Variants in ATP10A observed in about 807,000 individuals in gnomAD.
ATP10A encodes the protein phospholipid-transporting ATPase VA.
In ATP10A, 111 loss-of-function variants were observed where a neutral mutation model predicts 147.8. That is an observed-to-expected ratio of 0.75 (90% CI 0.64 to 0.88). The LOEUF (loss-of-function observed/expected upper bound fraction) is 0.88, where lower values mean the gene tolerates loss of function less well. ATP10A is among the 40% of genes least tolerant of loss of function. The probability of loss-of-function intolerance (pLI) is 0.00; values close to 1 mark genes in which losing one functional copy is unlikely to be tolerated. For missense variants in ATP10A, 1,927 were observed against 1,959.0 expected (o/e 0.98, Z 0.31); for synonymous variants, 875 against 841.6 (o/e 1.04, Z -0.69).
intron 2 of ATP10A, among the ~76,000 whole-genome samples, chr15:25,766,735 G>A (rs564991442): frequency 4.6e-5 from 7 of 151,978 alleles, no homozygotes; most frequent in Non-Finnish European, 8.8e-5. Context: ...TGAGCTCAGT[G>A]TCTGTGCCGC....
At chr15:25,841,652 A>G (rs1892819949) in intron 1 of ATP10A, 1 of 152,044 alleles carries the variant, frequency 6.6e-6, no homozygotes, top group Admixed American at 6.5e-5. Context: ...TATAGAGAAA[A>G]CTGACTCACT....
intron 2 of ATP10A, among the ~76,000 whole-genome samples, chr15:25,745,285 G>A (rs964609212): frequency 5.9e-5 from 9 of 151,996 alleles, no homozygotes; most frequent in South Asian, 2.1e-4. Flanking sequence ...CCCAGGAGGC[G>A]GAGGCTGCAG....
intron 2 of ATP10A, among the ~76,000 whole-genome samples, chr15:25,753,495 G>A (rs1888258806): frequency 6.6e-6 from 1 of 150,378 alleles, no homozygotes; most frequent in African/African-American, 2.5e-5. Flanking sequence ...TCTGTTGATG[G>A]ACACTTAGGT....
At position 25,723,225 on chromosome 15, in the gene ATP10A, G is replaced by C. The variant is rs1596759791; in HGVS notation, c.1110+666C>G. ...TTAGCAAGGTGTGTGGCATGCACCT[G>C]TAATCCCAGCTACTCGGGAGGCTGA... On this transcript the variant is annotated intron_variant, in intron 6 of 20. Coordinates refer to ENST00000555815, the MANE Select transcript of ATP10A (RefSeq NM_024490.4). 2.0e-5 allele frequency among the ~76,000 whole-genome samples: 3 copies of C among 151,978 alleles called. No individual in the cohort carries two copies. In the East Asian group the frequency reaches 5.8e-4, roughly 29 times the overall value.
chr15:25,697,762 A>G (rs535674631), intron 13 of ATP10A, among the ~76,000 whole-genome samples: 2 of 152,350 alleles, frequency 1.3e-5, no homozygotes, highest in African/African-American at 4.8e-5. Flanking sequence ...CCTTCGGAAG[A>G]ATTCAGTATG....
intron 1 of ATP10A, among the ~76,000 whole-genome samples, chr15:25,823,412 A>G (rs564898192): frequency 1.3e-5 from 2 of 152,336 alleles, no homozygotes; most frequent in South Asian, 4.1e-4. Context: ...TGAGACCAGA[A>G]AAACAAAGTG....
At chr15:25,864,939 C>G (rs1006628657), upstream of ATP10A, 1 of 152,286 alleles carries the variant, frequency 6.6e-6, no homozygotes, top group Non-Finnish European at 1.5e-5. Flanking sequence ...CAGGGGTGTC[C>G]GCGCCTACCA....
intron 1 of ATP10A, among the ~76,000 whole-genome samples, chr15:25,860,004 C>G (rs1893685731): frequency 6.6e-6 from 1 of 152,194 alleles, no homozygotes. Context: ...CCACACAAAA[C>G]AGACCTAGAC....
chr15:25,760,879 A>G (rs1362352916), intron 2 of ATP10A, among the ~76,000 whole-genome samples: 2 of 152,212 alleles, frequency 1.3e-5, no homozygotes, highest in African/African-American at 2.4e-5. Context: ...TGTGCCTACC[A>G]TATGTTTCAG....
intron 3 of ATP10A, among the ~76,000 whole-genome samples, chr15:25,733,762 G>A (rs1240753289): frequency 6.6e-6 from 1 of 152,228 alleles, no homozygotes; most frequent in Non-Finnish European, 1.5e-5. Flanking sequence ...ACCAGGGTTG[G>A]ACGATGGGTG....
chr15:25,746,101 C>T (rs1348104700), intron 2 of ATP10A, among the ~76,000 whole-genome samples: 1 of 151,970 alleles, frequency 6.6e-6, no homozygotes, highest in South Asian at 2.1e-4. Context: ...TTTAAAAACT[C>T]AAGACTATAT....
chr15:25,730,068 A>G (rs1350779505), intron 3 of ATP10A, among the ~76,000 whole-genome samples: 3 of 150,664 alleles, frequency 2.0e-5, no homozygotes, highest in Non-Finnish European at 4.4e-5. Flanking sequence ...AGGCGGGAGG[A>G]TTGCTTGAGG....
At chr15:25,685,007 C>T (rs568716606) in intron 16 of ATP10A, among the ~76,000 whole-genome samples, 4 of 152,322 alleles carry the variant, frequency 2.6e-5, no homozygotes, top group African/African-American at 7.2e-5. Flanking sequence ...CTCACTCCTA[C>T]GGCTGGCTCT....
intron 7 of ATP10A, among the ~76,000 whole-genome samples, chr15:25,721,398 C>T (rs1902214448): frequency 1.3e-5 from 2 of 152,164 alleles, no homozygotes; most frequent in Admixed American, 6.5e-5. Flanking sequence ...ATTGCTTAGG[C>T]GGATGCCTGG....
At chr15:25,696,623 G>C (rs1340613943) in intron 13 of ATP10A, among the ~76,000 whole-genome samples, 2 of 152,228 alleles carry the variant, frequency 1.3e-5, no homozygotes, top group Non-Finnish European at 2.9e-5. Flanking sequence ...ACACTGAATG[G>C]GTGGTGGGTA....
At chr15:25,806,625 T>C (rs1479764137) in intron 1 of ATP10A, among the ~76,000 whole-genome samples, 2 of 152,204 alleles carry the variant, frequency 1.3e-5, no homozygotes, top group African/African-American at 4.8e-5. Flanking sequence ...ATTTTCTTAA[T>C]AACATGTTCT....
chr15:25,710,648 T>C (rs1322811283), intron 10 of ATP10A: 1 of 152,212 alleles, frequency 6.6e-6, no homozygotes, highest in Admixed American at 6.5e-5. Flanking sequence ...GGAGTTATCT[T>C]ATTAAAATGG....
chr15:25,681,211 G>C (rs996858185), intron 17 of ATP10A, 137 bp from the exon 18 acceptor site: 1 of 796,370 alleles, frequency 1.3e-6, no homozygotes. Flanking sequence ...GAGTAGAGCT[G>C]GGAAAGGCCA....
intron 1 of ATP10A, among the ~76,000 whole-genome samples, chr15:25,826,858 T>C (rs1488791107): frequency 6.6e-6 from 1 of 152,134 alleles, no homozygotes; most frequent in Non-Finnish European, 1.5e-5. Flanking sequence ...CCAAACTTGA[T>C]GAAAATCATC....
Sources: gnomAD v4.1 joint callset for allele counts (sites outside exome capture counted in the v4.1 genomes callset) on GRCh38, gnomAD v4.1.1 for gene constraint, MANE v1.5 for transcripts, NCBI Gene and HGNC (gene_info 2026-07-23, HGNC 2026-07-21) for gene names.